The following ADGRV1 variants were observed in gnomAD, a reference collection of about 807,000 sequenced individuals.
ADGRV1 encodes the protein G-protein coupled receptor 98.
In ADGRV1, 359 loss-of-function variants were observed where a neutral mutation model predicts 596.2. That is an observed-to-expected ratio of 0.60 (90% CI 0.55 to 0.66). The LOEUF (loss-of-function observed/expected upper bound fraction) is 0.66, where lower values mean the gene tolerates loss of function less well. ADGRV1 is among the 30% of genes least tolerant of loss of function. ADGRV1 has a pLI of 0.00. For synonymous variants in ADGRV1, 2,681 were observed against 2,679.2 expected (o/e 1.00, Z -0.02); for missense variants, 7,274 against 7,575.6 (o/e 0.96, Z 1.48).
chr5:91,066,434 G>T (rs745832127), intron 85 of ADGRV1, among the ~76,000 whole-genome samples: 6 of 152,094 alleles, frequency 3.9e-5, no homozygotes, highest in Non-Finnish European at 7.4e-5. Flanking sequence ...GTAGAATATA[G>T]TTCATTTATC....
chr5:90,596,369 C>T (rs2152011106), intron 1 of ADGRV1, among the ~76,000 whole-genome samples: 2 of 151,820 alleles, frequency 1.3e-5, no homozygotes, highest in South Asian at 4.2e-4. Flanking sequence ...AGAGACGCTC[C>T]TCACTTCCCA....
At chr5:90,998,660 A>C (rs902626599) in intron 85 of ADGRV1, among the ~76,000 whole-genome samples, 1 of 152,088 alleles carries the variant, frequency 6.6e-6, no homozygotes, top group Admixed American at 6.5e-5. Flanking sequence ...CAGTGGAATG[A>C]CTCAATGATA....
chr5:90,639,254 T>G (rs1339011105), intron 11 of ADGRV1, among the ~76,000 whole-genome samples: 1 of 152,164 alleles, frequency 6.6e-6, no homozygotes, highest in Non-Finnish European at 1.5e-5. Context: ...GTTTTTTTCC[T>G]TAAGTAAGGT....
intron 76 of ADGRV1, 99 bp downstream of exon 76, chr5:90,823,695 G>C (rs964019629): frequency 9.5e-7 from 1 of 1,051,420 alleles, no homozygotes; most frequent in Non-Finnish European, 1.4e-6. Flanking sequence ...TTGTTGATAG[G>C]GAGATTCTTT....
chr5:91,071,519 G>A (rs963126882), intron 85 of ADGRV1, among the ~76,000 whole-genome samples: 8 of 152,032 alleles, frequency 5.3e-5, no homozygotes, highest in African/African-American at 1.9e-4. Context: ...GCATGTGTGT[G>A]TGAAAAAGGA....
chr5:90,625,294 C>A, intron 6 of ADGRV1, 51 bp downstream of exon 6: 4 of 1,165,082 alleles, frequency 3.4e-6, no homozygotes, highest in Non-Finnish European at 5.1e-6. Flanking sequence ...TGTTGCAGGA[C>A]ACAGTCCTGT....
chr5:90,759,471 C>T lies in ADGRV1; in HGVS notation c.12003C>T (p.Phe4001=). The change falls in exon 58 of 90, where the codon TTC becomes TTT. Residue 4001 remains phenylalanine, a synonymous_variant. Transcript: ENST00000405460. ...DDAEFELTET[F]NISLISVAGG... ...CTGAATTTGAATTGACAGAGACGTT[C>T]AATATTTCCTTGATCAGTGTTGCTG... 6.2e-7 allele frequency: 1 copy of T among 1,605,930 alleles called. No individual in the cohort carries two copies. The highest frequency in any genetic ancestry group is 8.5e-7 in the Non-Finnish European group (1 of 1,175,590).
intron 21 of ADGRV1, among the ~76,000 whole-genome samples, chr5:90,664,031 T>A (rs1334760984): frequency 7.2e-6 from 1 of 138,382 alleles, no homozygotes; most frequent in Non-Finnish European, 1.5e-5. Flanking sequence ...TAGTATAGTT[T>A]GAAGTCAGGT....
chr5:90,694,515 C>T lies in ADGRV1; in HGVS notation c.7759C>T (p.Pro2587Ser), dbSNP rs1310150018. ...FGVFVIYNIS[P>S]NTSEDGLFVE... ...AGTGTTTGTGATCTACAATATTAGT[C>T]CCAATACTTCCGAAGATGGCTTATT... The change falls in exon 33 of 90, where the codon CCC (proline) becomes TCC (serine). Residue 2587 changes from proline to serine, a missense_variant. Pro to Ser is a moderately conservative substitution (Grantham distance 74). Transcript: ENST00000405460. 6.2e-7 allele frequency: 1 copy of T among 1,613,832 alleles called. No homozygotes were observed.
At chr5:90,719,995 G>A in intron 43 of ADGRV1, 53 bp from the exon 44 acceptor site, 1 of 1,394,546 alleles carries the variant, frequency 7.2e-7, no homozygotes, top group Non-Finnish European at 1.0e-6. Context: ...CGCTATATAT[G>A]TGTTACAAAA....
At chr5:91,058,669 C>T (rs554773406) in intron 85 of ADGRV1, among the ~76,000 whole-genome samples, 9 of 152,210 alleles carry the variant, frequency 5.9e-5, no homozygotes, top group African/African-American at 2.2e-4. Flanking sequence ...TTATTACGTG[C>T]CTCTTTTTGA....
intron 87 of ADGRV1, among the ~76,000 whole-genome samples, chr5:91,114,554 AG>A (rs1792683625): frequency 6.6e-6 from 1 of 152,080 alleles, no homozygotes; most frequent in Non-Finnish European, 1.5e-5. Context: ...GGAGGGAGGG[AG>A]GAAGGGAAGG....
intron 83 of ADGRV1, among the ~76,000 whole-genome samples, chr5:90,925,994 G>T (rs1774400238): frequency 7.6e-6 from 1 of 130,994 alleles, no homozygotes; most frequent in Admixed American, 8.0e-5. Context: ...ACTTGATCAT[G>T]GTGGATAAGC....
At chr5:90,723,895 C>T (rs149861193) in intron 45 of ADGRV1, among the ~76,000 whole-genome samples, 505 of 151,660 alleles carry the variant, frequency 3.3e-3, no homozygotes, top group African/African-American at 0.011. Context: ...GTTTACTCCT[C>T]ATTAGTTAGG....
chr5:90,602,376 G>A (rs1761518288), intron 1 of ADGRV1, among the ~76,000 whole-genome samples: 1 of 152,196 alleles, frequency 6.6e-6, no homozygotes, highest in Non-Finnish European at 1.5e-5. Context: ...TAACTTTGCA[G>A]TGGAGCACCC....
chr5:91,147,502 G>A (rs908556018), intron 87 of ADGRV1, among the ~76,000 whole-genome samples: 1 of 152,138 alleles, frequency 6.6e-6, no homozygotes, highest in Non-Finnish European at 1.5e-5. Context: ...ATGATAATGA[G>A]TGCATCTCAT....
intron 70 of ADGRV1, chr5:90,793,176 A>T (rs1432025630): frequency 6.6e-6 from 1 of 152,246 alleles, no homozygotes; most frequent in East Asian, 1.9e-4. Context: ...CCTGTATCCG[A>T]CAGCTCTCAA....
At chr5:90,982,695 C>A (rs1362703372) in intron 84 of ADGRV1, among the ~76,000 whole-genome samples, 1 of 152,190 alleles carries the variant, frequency 6.6e-6, no homozygotes, top group Non-Finnish European at 1.5e-5. Context: ...AGTCGACCAG[C>A]TTAGACACTC....
chr5:90,565,897 T>C (rs1267343020), intron 1 of ADGRV1, among the ~76,000 whole-genome samples: 1 of 152,234 alleles, frequency 6.6e-6, no homozygotes, highest in African/African-American at 2.4e-5. Context: ...TTGATTTGTA[T>C]TTCCTTAATG....
Sources: gnomAD v4.1 joint callset for allele counts (sites outside exome capture counted in the v4.1 genomes callset) on GRCh38, gnomAD v4.1.1 for gene constraint, MANE v1.5 for transcripts, NCBI Gene and HGNC (gene_info 2026-07-23, HGNC 2026-07-21) for gene names.